Variants in PIGK observed in about 807,000 individuals in gnomAD.
The protein encoded by PIGK is GPI-anchor transamidase.
Under a neutral mutation model 50.6 loss-of-function variants are expected in PIGK, and 42 were observed. The observed-to-expected ratio is 0.83, with a 90% CI of 0.65 to 1.07. PIGK has a LOEUF of 1.07. PIGK is among the 50% of genes least tolerant of loss of function. PIGK has a pLI of 0.00. For synonymous variants in PIGK, 151 were observed against 156.0 expected (o/e 0.97, Z 0.24); for missense variants, 448 against 488.7 (o/e 0.92, Z 0.78).
chr1:77,131,025 T>G (rs1292436353), intron 9 of PIGK, among the ~76,000 whole-genome samples: 1 of 152,130 alleles, frequency 6.6e-6, no homozygotes, highest in Non-Finnish European at 1.5e-5. Flanking sequence ...GATAAAATTA[T>G]ATGATAATTT....
chr1:77,136,049 C>A (rs1045496718), intron 9 of PIGK, among the ~76,000 whole-genome samples: 8 of 152,142 alleles, frequency 5.3e-5, no homozygotes, highest in Non-Finnish European at 1.0e-4. Context: ...AAAAGTGCAT[C>A]CCTTTAGGTA....
chr1:77,219,278 C>T (rs1198749841), intron 1 of PIGK, 32 bp downstream of exon 1: 8 of 1,568,750 alleles, frequency 5.1e-6, no homozygotes, highest in Non-Finnish European at 7.0e-6. Flanking sequence ...CAGCCGGCCT[C>T]CCGGCTGTGG....
In PIGK at chr1:77,166,750, A is replaced by T; in HGVS notation, c.456T>A (p.Asp152Glu). The stretch of plus-strand genomic sequence containing the variant: ...TATAAATTAGAATATTGCTTCTGTC[A>T]TCAGAAAGAAGACGTTTTGACCGAG... ...STPRSKRLLS[D>E]DRSNILIYMT... Residue 152 changes from aspartate (D) to glutamate (E), a missense_variant, in exon 5 of 11, where the codon GAT (aspartate) becomes GAA (glutamate). Physicochemically the swap from Asp to Glu is conservative, Grantham distance 45. Coordinates refer to ENST00000370812, the MANE Select transcript of PIGK (RefSeq NM_005482.3). 1 of 1,584,296 alleles carries T rather than the reference A, an allele frequency of 6.3e-7. No individual in the cohort carries two copies. The highest frequency in any genetic ancestry group is 8.6e-7 in the Non-Finnish European group (1 of 1,158,794).
chr1:77,125,103 T>C (rs1654199902), intron 9 of PIGK, among the ~76,000 whole-genome samples: 1 of 152,214 alleles, frequency 6.6e-6, no homozygotes, highest in African/African-American at 2.4e-5. Context: ...TAAAACAAGA[T>C]GAAATACATT....
chr1:77,216,399 T>C (rs760503651), intron 1 of PIGK, among the ~76,000 whole-genome samples: 11 of 152,194 alleles, frequency 7.2e-5, no homozygotes, highest in Non-Finnish European at 1.2e-4. Context: ...TCATTTGCTG[T>C]AGTAATACAA....
At chr1:77,201,169 C>G (rs546269170) in intron 3 of PIGK, among the ~76,000 whole-genome samples, 1 of 152,234 alleles carries the variant, frequency 6.6e-6, no homozygotes, top group Non-Finnish European at 1.5e-5. Context: ...ACAACAATAA[C>G]AAAAATTAGT....
chr1:77,147,237 G>A (rs1276329900), intron 9 of PIGK, among the ~76,000 whole-genome samples: 3 of 152,016 alleles, frequency 2.0e-5, no homozygotes, highest in Non-Finnish European at 4.4e-5. Context: ...AACAGTATGG[G>A]GGAAACCACC....
chr1:77,108,707 C>T (rs994990459), intron 10 of PIGK, among the ~76,000 whole-genome samples: 2 of 152,174 alleles, frequency 1.3e-5, no homozygotes, highest in African/African-American at 4.8e-5. Flanking sequence ...GTTCCATTCT[C>T]CCCGTCACTT....
intron 3 of PIGK, among the ~76,000 whole-genome samples, chr1:77,186,798 G>A (rs1373169987): frequency 6.6e-6 from 1 of 152,152 alleles, no homozygotes; most frequent in African/African-American, 2.4e-5. Context: ...TATGGCCACT[G>A]CTGAGTGCCC....
At chr1:77,106,976 T>C (rs1300977653) in intron 10 of PIGK, among the ~76,000 whole-genome samples, 1 of 148,574 alleles carries the variant, frequency 6.7e-6, no homozygotes, top group East Asian at 1.9e-4. Flanking sequence ...GATTCTTCTC[T>C]CTTTTCTTCT....
At chr1:77,111,039 A>G (rs1426606067) in intron 10 of PIGK, among the ~76,000 whole-genome samples, 1 of 152,180 alleles carries the variant, frequency 6.6e-6, no homozygotes, top group Admixed American at 6.5e-5. Context: ...GAGAAATGCA[A>G]ATCAAAACCA....
intron 9 of PIGK, among the ~76,000 whole-genome samples, chr1:77,138,992 C>T (rs762319637): frequency 6.6e-6 from 1 of 152,126 alleles, no homozygotes; most frequent in Non-Finnish European, 1.5e-5. Context: ...TCATTTTCTT[C>T]CCCTCAGGCT....
chr1:77,173,367 G>T (rs895130129), intron 3 of PIGK, among the ~76,000 whole-genome samples: 1 of 151,916 alleles, frequency 6.6e-6, no homozygotes, highest in Non-Finnish European at 1.5e-5. Flanking sequence ...ATTAGAATTC[G>T]GGTCCCCCAT....
At position 77,089,311 on chromosome 1, in the gene PIGK, G is replaced by A. The variant is rs1029364697; in HGVS notation, c.*3063C>T. The A allele has an allele frequency of 2.6e-5, 4 of 152,094 alleles. No homozygotes were observed. Among genetic ancestry groups the A allele is most frequent in the Non-Finnish European group, 2.9e-5 (2 of 68,008 alleles). 9.4% of individuals were successfully genotyped at this position (152,094 alleles called of 1,614,324 possible). The stretch of plus-strand genomic sequence containing the variant: ...TGAGATGTGACACTGAAGCAATAAG[G>A]CCAATTCTTTAAAGCAAAAATGGAT... On this transcript the variant is annotated 3_prime_UTR_variant, in exon 11 of 11. Transcript: ENST00000370812.
intron 3 of PIGK, among the ~76,000 whole-genome samples, chr1:77,205,842 C>T (rs775325130): frequency 2.0e-5 from 3 of 152,014 alleles, no homozygotes; most frequent in East Asian, 3.9e-4. Flanking sequence ...GTGGGGATAC[C>T]GCCTATTACC....
rs187397370 is a variant in PIGK, at chr1:77,139,508, T to C, written c.986+14941A>G. On this transcript the variant is annotated intron_variant, in intron 9 of 10. Coordinates refer to ENST00000370812, the MANE Select transcript of PIGK (RefSeq NM_005482.3). ...ACTCCCGCTTTTTAAAGTAAATCTA[T>C]ACTGTCCTTGCAAAAGGAGACAGTC... 4.6e-5 allele frequency among the ~76,000 whole-genome samples: 7 copies of C among 152,264 alleles called. No homozygotes were observed. The East Asian group carries it at 9.7e-4, about 21-fold the overall frequency.
chr1:77,211,720 C>A (rs1010639654), intron 1 of PIGK, among the ~76,000 whole-genome samples: 2 of 151,338 alleles, frequency 1.3e-5, no homozygotes, highest in East Asian at 1.9e-4. Context: ...TTAACCAATT[C>A]TTTAATATTG....
chr1:77,122,173 T>C, intron 10 of PIGK, 102 bp downstream of exon 10: 1 of 721,314 alleles, frequency 1.4e-6, no homozygotes, highest in Admixed American at 2.4e-5. Flanking sequence ...CCAGAATGCC[T>C]TTCAGCTATA....
At chr1:77,175,916 A>G (rs1278792944) in intron 3 of PIGK, among the ~76,000 whole-genome samples, 1 of 152,160 alleles carries the variant, frequency 6.6e-6, no homozygotes, top group Non-Finnish European at 1.5e-5. Context: ...AAGTTTTATT[A>G]AAAATTGAGG....
Sources: allele counts gnomAD v4.1 joint callset (sites outside exome capture counted in the v4.1 genomes callset), GRCh38; gene constraint gnomAD v4.1.1; transcripts MANE v1.5; gene names NCBI Gene and HGNC (gene_info 2026-07-23, HGNC 2026-07-21).